Variants in JAK2 observed in about 807,000 individuals in gnomAD.
The protein encoded by JAK2 is Janus kinase 2.
In JAK2, 86 loss-of-function variants were observed where a neutral mutation model predicts 139.3. That is an observed-to-expected ratio of 0.62 (90% CI 0.52 to 0.74). JAK2 has a LOEUF of 0.74. JAK2 is among the 30% of genes least tolerant of loss of function. The pLI is 0.00. For missense variants in JAK2, 1,421 were observed against 1,360.3 expected (o/e 1.04, Z -0.70); for synonymous variants, 490 against 437.7 (o/e 1.12, Z -1.49).
intron 4 of JAK2, among the ~76,000 whole-genome samples, chr9:5,035,202 A>G (rs996652140): frequency 3.3e-5 from 5 of 152,234 alleles, no homozygotes; most frequent in Non-Finnish European, 7.3e-5. Flanking sequence ...GAATCTCTGC[A>G]TAGACCAATA....
At chr9:5,086,142 C>A in intron 19 of JAK2, 1 of 386,480 alleles carries the variant, frequency 2.6e-6, no homozygotes. Context: ...CCGGCGGCCC[C>A]GCAAGGCTCG....
rs967015301 is a variant in JAK2 at position 5,054,433 on chromosome 9, G to A, written c.615-130G>A. 4.9e-5 allele frequency: 33 copies of A among 671,778 alleles called. No homozygotes were observed. The highest frequency in any genetic ancestry group is 7.4e-5 in the Non-Finnish European group (29 of 391,938). The allele number at this position is 671,778 out of a possible 1,614,324, so 41.6% of individuals were successfully genotyped here. On this transcript the variant is annotated intron_variant, in intron 6 of 24. Coordinates refer to ENST00000381652, the MANE Select transcript of JAK2 (RefSeq NM_004972.4). The surrounding 1 kb of genome is among the most constrained non-coding windows in gnomAD (Gnocchi z 4.9). ...ATGGATGGGGGTTATGTCAACTTAC[G>A]CCACTTGGCCACTGTGTTGTAAGGC...
intron 10 of JAK2, among the ~76,000 whole-genome samples, chr9:5,068,694 A>G (rs1408216832): frequency 1.3e-5 from 2 of 152,258 alleles, no homozygotes; most frequent in African/African-American, 4.8e-5. Flanking sequence ...AAACCAGCTC[A>G]TGGAAGGCTC....
rs764853226 is a variant in JAK2 at position 5,084,505 on chromosome 9, A to G, written c.2571+2644A>G. Among the ~76,000 whole-genome samples, 30 of 152,240 alleles carry G rather than the reference A, an allele frequency of 2.0e-4. No individual in the cohort carries two copies. The Middle Eastern group carries it at 0.01, about 52-fold the overall frequency. On this transcript the variant is annotated intron_variant, in intron 19 of 24. Coordinates refer to ENST00000381652, the MANE Select transcript of JAK2 (RefSeq NM_004972.4). ...GGGATATATATTTAAAATTATTTTC[A>G]TATGTTTTAAGCCAAGAGAAATAAT... is the stretch of plus-strand genomic sequence containing the variant.
intron 19 of JAK2, chr9:5,085,111 G>A: frequency 1.5e-6 from 1 of 655,262 alleles, no homozygotes; most frequent in Non-Finnish European, 2.9e-6. Flanking sequence ...GGCAAGGTAG[G>A]TTGTTTGTTT....
chr9:5,099,759 A>T (rs143173865), intron 22 of JAK2: 435 of 152,304 alleles, frequency 2.9e-3, no homozygotes, highest in African/African-American at 0.01. Flanking sequence ...GACAAACCTG[A>T]TCCCTTATAA....
Position 5,129,384 on chromosome 9 carries a change from A to G in JAK2, c.*2593A>G, listed in dbSNP as rs1824200377. On this transcript the variant is annotated 3_prime_UTR_variant, in exon 25 of 25. Transcript: ENST00000381652. ...GATAGCTTACCTTCCAGTTTTTAAG[A>G]AATGCTTCCTACAACTGCTGTCAAC... Among the ~76,000 whole-genome samples the G allele has an allele frequency of 6.6e-6, 1 of 152,118 alleles. No individual in the cohort carries two copies. Among genetic ancestry groups the G allele is most frequent in the African/African-American group, 2.4e-5 (1 of 41,428 alleles).
intron 1 of JAK2, 47 bp downstream of exon 1, chr9:4,985,677 C>T (rs944675318): frequency 1.3e-5 from 2 of 152,504 alleles, no homozygotes; most frequent in Non-Finnish European, 2.9e-5. Flanking sequence ...CAGCAGCTGT[C>T]TCTCCACCCC....
chr9:5,028,286 A>C (rs1822912018), intron 3 of JAK2, among the ~76,000 whole-genome samples: 1 of 152,204 alleles, frequency 6.6e-6, no homozygotes, highest in Non-Finnish European at 1.5e-5. Context: ...ATGAGTAATA[A>C]TACTTGGACA....
intron 2 of JAK2, among the ~76,000 whole-genome samples, chr9:5,015,546 TTTTTTTG>T: frequency 6.6e-6 from 1 of 151,586 alleles, no homozygotes. Context: ...TTCTTTTTTT[TTTTTTTG>T]AGACAAGGTC....
Position 5,019,037 on chromosome 9 carries a change from A to G in JAK2, c.-25-2926A>G, listed in dbSNP as rs371088946. Among the ~76,000 whole-genome samples the G allele has an allele frequency of 2.4e-4, 37 of 152,178 alleles. 1 individual carries two copies. In the East Asian group the frequency reaches 5.0e-3, roughly 21 times the overall value. Reference sequence around the variant, plus strand: ...GTTTGACTCTAATGTGTTGTGGAGAACCTGTTGGAATTTTGTCTTTTTGGG... The same window carrying G: ...GTTTGACTCTAATGTGTTGTGGAGAGCCTGTTGGAATTTTGTCTTTTTGGG... On this transcript the variant is annotated intron_variant, in intron 2 of 24. Transcript: ENST00000381652.
rs190331952 is a variant in JAK2 at position 5,086,723 on chromosome 9, A to G, written c.2572-2951A>G. ...TACCCTGAAATCTCCCTGTCTGACT[A>G]TAACTTTATAGCCTTTGGCTTTTTT... On this transcript the variant is annotated intron_variant, in intron 19 of 24. Transcript: ENST00000381652. Among the ~76,000 whole-genome samples the G allele has an allele frequency of 2.9e-4, 44 of 152,292 alleles. 1 individual carries two copies. The highest frequency in any genetic ancestry group is 8.3e-4 in the South Asian group (4 of 4,828).
At position 5,077,539 on chromosome 9, in the gene JAK2, C is replaced by G. The variant is rs1178089669; in HGVS notation, c.1951C>G (p.Leu651Val). The change falls in exon 15 of 25, where the codon CTT becomes GTT. Residue 651 changes from leucine (L) to valine (V), a missense_variant. Leu to Val is a conservative substitution (Grantham distance 32). Coordinates refer to ENST00000381652, the MANE Select transcript of JAK2 (RefSeq NM_004972.4). ...NKNCINILWK[L>V]EVAKQLAWAM... ...AAATTGTATAAATATATTATGGAAA[C>G]TTGAAGTTGCTAAACAGTTGGCATG... 5 of 1,488,694 alleles carry G rather than the reference C, an allele frequency of 3.4e-6. No individual in the cohort carries two copies. Among genetic ancestry groups the G allele is most frequent in the South Asian group, 1.5e-5 (1 of 68,364 alleles). The allele number at this position is 1,488,694 out of a possible 1,614,324, so 92.2% of individuals were successfully genotyped here.
At position 5,127,177 on chromosome 9, in the gene JAK2, A is replaced by AT. The variant is rs1824053677; in HGVS notation, c.*387dup. On this transcript the variant is annotated 3_prime_UTR_variant, in exon 25 of 25. Coordinates refer to ENST00000381652, the MANE Select transcript of JAK2 (RefSeq NM_004972.4). ...GTATGTATAGTTTTTACCACAGTGG[A>AT]TGTATAATACCTTGGCATCTTGTGT... 1 of 239,192 alleles carries AT rather than the reference A, an allele frequency of 4.2e-6. No homozygotes were observed. Among genetic ancestry groups the AT allele is most frequent in the Admixed American group, 5.5e-5 (1 of 18,066 alleles). The allele number at this position is 239,192 out of a possible 1,614,324, so 14.8% of individuals were successfully genotyped here. A position where few individuals can be genotyped will look rare whatever the true frequency, so the allele number is the denominator to read the frequency against.
At chr9:5,116,651 TAA>T (rs1401196628) in intron 22 of JAK2, among the ~76,000 whole-genome samples, 1 of 152,202 alleles carries the variant, frequency 6.6e-6, no homozygotes, top group Non-Finnish European at 1.5e-5. Context: ...AAATATTTAT[TAA>T]GACTCTACTG....
intron 22 of JAK2, among the ~76,000 whole-genome samples, chr9:5,115,969 A>G (rs925252052): frequency 1.3e-5 from 2 of 152,104 alleles, no homozygotes. Context: ...TGATGGGTTG[A>G]TGGGTGCAGC....
intron 2 of JAK2, among the ~76,000 whole-genome samples, chr9:5,019,993 C>T (rs555492836): frequency 6.6e-6 from 1 of 152,178 alleles, no homozygotes; most frequent in South Asian, 2.1e-4. Flanking sequence ...GTTAGTGGGT[C>T]CAGGCAGTCC....
At chr9:5,102,360 A>G (rs568964467) in intron 22 of JAK2, among the ~76,000 whole-genome samples, 1 of 152,300 alleles carries the variant, frequency 6.6e-6, no homozygotes, top group Non-Finnish European at 1.5e-5. Flanking sequence ...AAAAAGCAAC[A>G]AGATAAAGCC....
At chr9:5,016,524 A>AT (rs1822070919) in intron 2 of JAK2, among the ~76,000 whole-genome samples, 1 of 152,164 alleles carries the variant, frequency 6.6e-6, no homozygotes, top group African/African-American at 2.4e-5. Context: ...TGAAAAATGA[A>AT]TTTTTTCCTG....
Sources: allele counts gnomAD v4.1 joint callset (sites outside exome capture counted in the v4.1 genomes callset), GRCh38; gene constraint gnomAD v4.1.1; non-coding constraint Gnocchi (gnomAD v3.1); transcripts MANE v1.5; gene names NCBI Gene and HGNC (gene_info 2026-07-23, HGNC 2026-07-21).